Variants in BNC2 observed in about 807,000 individuals in gnomAD.
The protein encoded by BNC2 is basonuclin zinc finger protein 2, also known as zinc finger protein basonuclin-2.
In BNC2, 20 loss-of-function variants were observed where a neutral mutation model predicts 76.3. The ratio of observed to expected loss-of-function variants is 0.26; its 90% confidence interval spans 0.18 to 0.38. BNC2 has a LOEUF of 0.38. Ranked by LOEUF, BNC2 falls within the 10% of genes least tolerant of loss-of-function variation. The pLI, the probability that BNC2 is intolerant of heterozygous loss-of-function variation, is 1.00. For synonymous variants in BNC2, 582 were observed against 514.8 expected (o/e 1.13, Z -1.77); for missense variants, 1,382 against 1,399.8 (o/e 0.99, Z 0.20).
At chr9:16,863,039 C>T (rs997663838) in intron 1 of BNC2, among the ~76,000 whole-genome samples, 3 of 151,818 alleles carry the variant, frequency 2.0e-5, no homozygotes, top group African/African-American at 2.4e-5. Context: ...CTCAGCCTCC[C>T]GAGTAGCTGG....
intron 3 of BNC2, among the ~76,000 whole-genome samples, chr9:16,621,107 G>A (rs1587243908): frequency 6.6e-6 from 1 of 152,174 alleles, no homozygotes; most frequent in South Asian, 2.1e-4. Flanking sequence ...ATTCAACAAC[G>A]CCTGTGACTG....
At chr9:16,717,165 C>T (rs892405205) in intron 3 of BNC2, among the ~76,000 whole-genome samples, 1 of 151,970 alleles carries the variant, frequency 6.6e-6, no homozygotes, top group African/African-American at 2.4e-5. Context: ...TTTATCTCTC[C>T]GCACCCCTTT....
At chr9:16,701,354 T>C (rs1272468486) in intron 3 of BNC2, among the ~76,000 whole-genome samples, 1 of 152,234 alleles carries the variant, frequency 6.6e-6, no homozygotes, top group East Asian at 1.9e-4. Flanking sequence ...TCAACTTTGC[T>C]GGATTACACA....
chr9:16,795,501 G>A (rs1184051176), intron 1 of BNC2, among the ~76,000 whole-genome samples: 2 of 151,900 alleles, frequency 1.3e-5, no homozygotes, highest in Non-Finnish European at 2.9e-5. Flanking sequence ...CTCAAGGAAG[G>A]CCAGACGGCC....
intron 1 of BNC2, among the ~76,000 whole-genome samples, chr9:16,812,630 C>T (rs751533687): frequency 5.9e-5 from 9 of 152,142 alleles, no homozygotes; most frequent in Non-Finnish European, 1.0e-4. Flanking sequence ...ATGTGTGTGA[C>T]ACATATTCCT....
chr9:16,697,272 C>T (rs1047842129), intron 3 of BNC2, among the ~76,000 whole-genome samples: 3 of 152,050 alleles, frequency 2.0e-5, no homozygotes, highest in South Asian at 2.1e-4. Context: ...GCAGGAGAAT[C>T]GCTTGAACCA....
At chr9:16,478,823 C>T (rs1449493539) in intron 5 of BNC2, among the ~76,000 whole-genome samples, 1 of 152,130 alleles carries the variant, frequency 6.6e-6, no homozygotes, top group African/African-American at 2.4e-5. Flanking sequence ...TTTTGTGGCT[C>T]CCTGCATTCT....
intron 5 of BNC2, among the ~76,000 whole-genome samples, chr9:16,520,174 T>A (rs1817573576): frequency 6.6e-6 from 1 of 152,156 alleles, no homozygotes; most frequent in African/African-American, 2.4e-5. Context: ...TGCTTCTTGA[T>A]GGGACTCTCA....
At chr9:16,796,022 A>G (rs1430595126) in intron 1 of BNC2, among the ~76,000 whole-genome samples, 3 of 152,324 alleles carry the variant, frequency 2.0e-5, no homozygotes, top group African/African-American at 7.2e-5. Context: ...CAATTTACGC[A>G]GTCTCAAAGC....
intron 5 of BNC2, among the ~76,000 whole-genome samples, chr9:16,508,160 G>C (rs1440180649): frequency 2.0e-5 from 3 of 152,158 alleles, no homozygotes; most frequent in African/African-American, 4.8e-5. Flanking sequence ...TTGCTTCTTT[G>C]TCCATAATTC....
At chr9:16,692,565 A>C (rs768916526) in intron 3 of BNC2, among the ~76,000 whole-genome samples, 1 of 152,182 alleles carries the variant, frequency 6.6e-6, no homozygotes, top group African/African-American at 2.4e-5. Context: ...CTCTGCCCCC[A>C]GCCCACAAAA....
At chr9:16,853,101 G>C (rs1424505925) in intron 1 of BNC2, among the ~76,000 whole-genome samples, 5 of 152,192 alleles carry the variant, frequency 3.3e-5, no homozygotes, top group African/African-American at 1.2e-4. Flanking sequence ...AAGCATAGAA[G>C]TACTAGGCCA....
chr9:16,680,315 G>A (rs868577617), intron 3 of BNC2, among the ~76,000 whole-genome samples: 1 of 151,714 alleles, frequency 6.6e-6, no homozygotes, highest in African/African-American at 2.4e-5. Context: ...TTCTGATGTG[G>A]GTATAATCAC....
intron 3 of BNC2, among the ~76,000 whole-genome samples, chr9:16,596,046 A>C (rs1039811319): frequency 6.6e-6 from 1 of 152,122 alleles, no homozygotes; most frequent in East Asian, 1.9e-4. Flanking sequence ...ACTAAGAAGG[A>C]TTTACTTGAT....
chr9:16,846,220 TA>T, intron 1 of BNC2, among the ~76,000 whole-genome samples: 1 of 151,802 alleles, frequency 6.6e-6, no homozygotes, highest in Non-Finnish European at 1.5e-5. Context: ...TTTCTAACTG[TA>T]AAAAAAGAAA....
At chr9:16,707,197 G>GC (rs143519773) in intron 3 of BNC2, among the ~76,000 whole-genome samples, 3,721 of 147,426 alleles carry the variant, frequency 0.025, 66 homozygotes, top group African/African-American at 0.045. Context: ...GCAAGACTCC[G>GC]CCCCCCCGCC....
At chr9:16,489,156 T>C (rs1822222868) in intron 5 of BNC2, among the ~76,000 whole-genome samples, 1 of 152,180 alleles carries the variant, frequency 6.6e-6, no homozygotes, top group African/African-American at 2.4e-5. Flanking sequence ...CAATCCAAAA[T>C]ATTGTCAGTT....
In BNC2 at chr9:16,606,683, G is replaced by A. The variant is rs187707643; in HGVS notation, c.331-23598C>T. Reference sequence around the variant, plus strand: ...AGCAATTCTCCAGCCTCAGCCTCCCGAGTAGCTGGGATTATAGGCTCCCGC... The same window carrying A: ...AGCAATTCTCCAGCCTCAGCCTCCCAAGTAGCTGGGATTATAGGCTCCCGC... On this transcript the variant is annotated intron_variant, in intron 3 of 6. Coordinates refer to ENST00000380672, the MANE Select transcript of BNC2 (RefSeq NM_017637.6). Among the ~76,000 whole-genome samples, 1,216 of 151,932 alleles carry A rather than the reference G, an allele frequency of 8.0e-3. 15 individuals are homozygous for A. The highest frequency in any genetic ancestry group is 0.028 in the African/African-American group (1,149 of 41,464).
At chr9:16,517,648 C>G (rs1817479467) in intron 5 of BNC2, among the ~76,000 whole-genome samples, 1 of 152,258 alleles carries the variant, frequency 6.6e-6, no homozygotes, top group Middle Eastern at 3.4e-3. Flanking sequence ...CAAAGCATTA[C>G]ATTTACAAGA....
Sources: allele counts gnomAD v4.1 joint callset (sites outside exome capture counted in the v4.1 genomes callset), GRCh38; gene constraint gnomAD v4.1.1; transcripts MANE v1.5; gene names NCBI Gene and HGNC (gene_info 2026-07-23, HGNC 2026-07-21).